The following PRTFDC1 variants were observed in gnomAD, a reference collection of about 807,000 sequenced individuals.
The protein encoded by PRTFDC1 is phosphoribosyltransferase domain-containing protein 1.
A neutral mutation model predicts 34.6 loss-of-function variants in PRTFDC1; 38 were observed. The observed-to-expected ratio is 1.10, with a 90% CI of 0.85 to 1.44. The LOEUF (loss-of-function observed/expected upper bound fraction) is 1.44. PRTFDC1 is among the 40% of genes most tolerant of loss of function. The probability of loss-of-function intolerance (pLI) is 0.00; values close to 1 mark genes in which losing one functional copy is unlikely to be tolerated. For synonymous variants in PRTFDC1, 93 were observed against 98.1 expected (o/e 0.95, Z 0.31); for missense variants, 270 against 283.0 (o/e 0.95, Z 0.33).
chr10:24,937,980 T>A (rs1034265124), intron 2 of PRTFDC1, among the ~76,000 whole-genome samples: 6 of 152,004 alleles, frequency 3.9e-5, no homozygotes, highest in African/African-American at 1.4e-4. Flanking sequence ...ATCCCAGCAC[T>A]TTAAGAAATC....
At chr10:24,852,619 A>G (rs552806948) in intron 7 of PRTFDC1, among the ~76,000 whole-genome samples, 1 of 152,354 alleles carries the variant, frequency 6.6e-6, no homozygotes, top group East Asian at 1.9e-4. Context: ...GAGAATTCTT[A>G]AGGAACAGAC....
intron 1 of PRTFDC1, among the ~76,000 whole-genome samples, chr10:24,947,500 T>A (rs1849268019): frequency 6.6e-6 from 1 of 152,180 alleles, no homozygotes; most frequent in African/African-American, 2.4e-5. Context: ...CAGCAAAACA[T>A]AGCCAAGCTG....
intron 3 of PRTFDC1, among the ~76,000 whole-genome samples, chr10:24,881,417 CT>C (rs1461585839): frequency 6.6e-6 from 1 of 152,122 alleles, no homozygotes; most frequent in African/African-American, 2.4e-5. Flanking sequence ...CACGTTTGTA[CT>C]TATTGGCTCT....
intron 3 of PRTFDC1, among the ~76,000 whole-genome samples, chr10:24,930,711 A>G (rs938159666): frequency 1.3e-5 from 2 of 152,006 alleles, no homozygotes; most frequent in African/African-American, 4.8e-5. Context: ...ATGTTACTGA[A>G]CATCTCAGGT....
rs114406712 is a variant in PRTFDC1 at position 24,896,691 on chromosome 10, A to G, written c.340-24628T>C. Among the ~76,000 whole-genome samples the G allele has an allele frequency of 7.2e-3, 1,102 of 152,304 alleles. 18 individuals carry two copies. Among genetic ancestry groups the G allele is most frequent in the African/African-American group, 0.025 (1,043 of 41,568 alleles). ...GAGGAGCACTGGGTGGTCAAGCACT[A>G]AACACTCTGGAAAAATCCTGAAATG... On this transcript the variant is annotated intron_variant, in intron 3 of 8. Coordinates refer to ENST00000320152, the MANE Select transcript of PRTFDC1 (RefSeq NM_020200.7).
intron 2 of PRTFDC1, among the ~76,000 whole-genome samples, chr10:24,941,210 T>G (rs1372120291): frequency 6.6e-6 from 1 of 151,868 alleles, no homozygotes; most frequent in Non-Finnish European, 1.5e-5. Context: ...TGTGCTACTA[T>G]GCCTGACTAA....
intron 7 of PRTFDC1, 129 bp downstream of exon 7, chr10:24,855,189 C>G (rs1847551336): frequency 2.4e-6 from 2 of 819,794 alleles, no homozygotes; most frequent in Non-Finnish European, 3.8e-6. Flanking sequence ...GTGGGACTAT[C>G]AGCCCTACAC....
chr10:24,888,862 G>A (rs1444665254), intron 3 of PRTFDC1, among the ~76,000 whole-genome samples: 11 of 152,120 alleles, frequency 7.2e-5, no homozygotes, highest in African/African-American at 2.4e-4. Flanking sequence ...GTTTCCAGAT[G>A]CAATGTGGAA....
intron 3 of PRTFDC1, among the ~76,000 whole-genome samples, chr10:24,876,662 C>CCAGCCTGTG (rs920032967): frequency 1.3e-5 from 2 of 151,942 alleles, no homozygotes; most frequent in African/African-American, 2.4e-5. Context: ...TCACTGTACT[C>CCAGCCTGTG]CAGCCTGTGT....
At chr10:24,877,407 A>T (rs1218120817) in intron 3 of PRTFDC1, among the ~76,000 whole-genome samples, 2 of 152,150 alleles carry the variant, frequency 1.3e-5, no homozygotes, top group African/African-American at 4.8e-5. Context: ...TTTTTAATGA[A>T]CGTCGCTGGT....
intron 3 of PRTFDC1, among the ~76,000 whole-genome samples, chr10:24,890,162 G>C (rs1848236089): frequency 6.6e-6 from 1 of 152,246 alleles, no homozygotes; most frequent in African/African-American, 2.4e-5. Context: ...AGAGGAGTGG[G>C]AGAAGGAAGC....
chr10:24,922,430 G>A lies in PRTFDC1; in HGVS notation c.339+14754C>T, dbSNP rs117918912. Among the ~76,000 whole-genome samples, 160 of 152,310 alleles carry A rather than the reference G, an allele frequency of 1.1e-3. 1 individual carries two copies. The East Asian group carries it at 0.027, about 26-fold the overall frequency. On this transcript the variant is annotated intron_variant, in intron 3 of 8. Coordinates refer to ENST00000320152, the MANE Select transcript of PRTFDC1 (RefSeq NM_020200.7). The stretch of plus-strand genomic sequence containing the variant: ...CCTTGAATTGTAATAATCTCCATGT[G>A]TCATGGGAGGGACCCTGTGGGAAGT...
chr10:24,871,930 G>T, intron 4 of PRTFDC1, 68 bp downstream of exon 4: 1 of 1,386,886 alleles, frequency 7.2e-7, no homozygotes, highest in South Asian at 1.2e-5. Flanking sequence ...TGTGAGTGCT[G>T]ACCTGAAATG....
intron 3 of PRTFDC1, among the ~76,000 whole-genome samples, chr10:24,895,729 C>T (rs1331990729): frequency 1.9e-5 from 1 of 53,314 alleles, no homozygotes; most frequent in Non-Finnish European, 4.2e-5. Flanking sequence ...ATATATATAT[C>T]TGTAAATACA....
chr10:24,871,535 T>G (rs1268866192), intron 4 of PRTFDC1, among the ~76,000 whole-genome samples: 1 of 151,934 alleles, frequency 6.6e-6, no homozygotes, highest in Non-Finnish European at 1.5e-5. Context: ...AAAGGCAAAG[T>G]GCTGAAAACG....
chr10:24,908,507 T>C, intron 3 of PRTFDC1: 2 of 1,612,362 alleles, frequency 1.2e-6, no homozygotes, highest in Non-Finnish European at 1.7e-6. Context: ...TCAGACCTAA[T>C]TCTGCTCTGA....
chr10:24,849,883 G>A lies in PRTFDC1; in HGVS notation c.639C>T (p.Cys213=), dbSNP rs35671637. The A allele has an allele frequency of 3.3e-5, 54 of 1,613,738 alleles. No individual in the cohort carries two copies. Among genetic ancestry groups the A allele is most frequent in the African/African-American group, 3.3e-4 (25 of 74,980 alleles). The change falls in exon 9 of 9, where the codon TGC becomes TGT. Residue 213 remains cysteine, a synonymous_variant. Transcript: ENST00000320152. The part of the protein sequence containing the change: ...NEYFRDLNHI[C]VINEHGKEKY... Reference sequence around the variant, plus strand: ...TTTCTTTACCGTGCTCATTGATGACGCATATGTGCTGAAACAATAAAGGAT... The same window carrying A: ...TTTCTTTACCGTGCTCATTGATGACACATATGTGCTGAAACAATAAAGGAT...
intron 3 of PRTFDC1, among the ~76,000 whole-genome samples, chr10:24,880,986 C>A (rs1008973343): frequency 1.4e-5 from 2 of 146,726 alleles, no homozygotes; most frequent in African/African-American, 2.5e-5. Context: ...TCCTCCCTTC[C>A]TCCCTCCCTC....
intron 7 of PRTFDC1, among the ~76,000 whole-genome samples, chr10:24,852,030 A>G (rs1471956625): frequency 6.6e-6 from 1 of 152,092 alleles, no homozygotes; most frequent in Non-Finnish European, 1.5e-5. Context: ...TGGAGGTTGC[A>G]TTAATGCTGG....
Sources: gnomAD v4.1 joint callset for allele counts (sites outside exome capture counted in the v4.1 genomes callset) on GRCh38, gnomAD v4.1.1 for gene constraint, MANE v1.5 for transcripts, NCBI Gene and HGNC (gene_info 2026-07-23, HGNC 2026-07-21) for gene names.